Variants in FRMPD4 observed in about 807,000 individuals in gnomAD.
FRMPD4 encodes the protein FERM and PDZ domain-containing protein 4.
Under a neutral mutation model 94.1 loss-of-function variants are expected in FRMPD4, and 22 were observed. The ratio of observed to expected loss-of-function variants is 0.23; its 90% confidence interval spans 0.17 to 0.33. The LOEUF (loss-of-function observed/expected upper bound fraction) is 0.33, where lower values mean the gene tolerates loss of function less well. Among genes scored for constraint, FRMPD4 ranks in the 10% least tolerant of loss-of-function variants. The pLI, the probability that FRMPD4 is intolerant of heterozygous loss-of-function variation, is 1.00. For missense variants in FRMPD4, 1,111 were observed against 1,339.9 expected, an observed-to-expected ratio of 0.83 and a Z score of 2.67; for synonymous variants, 631 against 548.6, an observed-to-expected ratio of 1.15 and a Z score of -2.10.
chrX:12,102,094 A>T (rs2055260562), intron 3 of FRMPD4, among the ~76,000 whole-genome samples: 1 of 112,329 alleles, frequency 8.9e-6, no homozygotes, highest in Non-Finnish European at 1.9e-5. Context: ...GACTGACAGA[A>T]GCCACCACAA....
intron 3 of FRMPD4, among the ~76,000 whole-genome samples, chrX:11,917,886 TAA>T (rs72064228): frequency 5.1e-3 from 443 of 86,069 alleles, no homozygotes; most frequent in African/African-American, 0.017. Context: ...CCCGTGAATC[TAA>T]AAAAAAAAAA....
At chrX:12,107,412 C>T (rs1041354453) in intron 3 of FRMPD4, among the ~76,000 whole-genome samples, 15 of 111,666 alleles carry the variant, frequency 1.3e-4, no homozygotes, top group Non-Finnish European at 1.9e-5. Flanking sequence ...TCACCATCAT[C>T]AAAGACCAAA....
intron 1 of FRMPD4, among the ~76,000 whole-genome samples, chrX:12,441,252 G>A (rs1401583594): frequency 3.6e-5 from 4 of 110,959 alleles, no homozygotes; most frequent in Non-Finnish European, 7.5e-5. Context: ...AATCTCATGG[G>A]GAGAAATTGA....
chrX:12,308,292 C>T (rs1238727533), intron 1 of FRMPD4, among the ~76,000 whole-genome samples: 1 of 112,042 alleles, frequency 8.9e-6, no homozygotes, highest in Non-Finnish European at 1.9e-5. Flanking sequence ...TAGAAACCAT[C>T]CTATATCCTG....
intron 3 of FRMPD4, among the ~76,000 whole-genome samples, chrX:11,908,658 G>A (rs2053980944): frequency 9.0e-6 from 1 of 111,721 alleles, no homozygotes. Context: ...GGATGGGGGT[G>A]TATGTGATCA....
intron 3 of FRMPD4, among the ~76,000 whole-genome samples, chrX:11,900,763 G>T (rs929912495): frequency 9.0e-6 from 1 of 111,633 alleles, no homozygotes; most frequent in African/African-American, 3.3e-5. Flanking sequence ...CACCTCCACT[G>T]GTGGTTGGGT....
chrX:12,154,718 C>T (rs2055907985), intron 1 of FRMPD4, among the ~76,000 whole-genome samples: 1 of 112,808 alleles, frequency 8.9e-6, no homozygotes, highest in South Asian at 3.6e-4. Flanking sequence ...ATTTTAGCTG[C>T]AAGTAAATCA....
rs563547300 is a variant in FRMPD4 at position 12,334,060 on chromosome X, C to T, written c.42-164620C>T. Among the ~76,000 whole-genome samples, 61 of 111,633 alleles carry T rather than the reference C, an allele frequency of 5.5e-4. No individual in the cohort carries two copies. The South Asian group carries it at 0.023, about 42-fold the overall frequency. ...AGATCCTTTTTCTGTACTGTGCAGTCATATACTTTTATTGGGAGATTATGG... is the reference window on the plus strand; with the variant it reads ...AGATCCTTTTTCTGTACTGTGCAGTTATATACTTTTATTGGGAGATTATGG... On this transcript the variant is annotated intron_variant, in intron 1 of 16. Transcript: ENST00000675598.
chrX:12,661,761 C>T (rs113675064), intron 4 of FRMPD4, among the ~76,000 whole-genome samples: 4 of 111,864 alleles, frequency 3.6e-5, no homozygotes, highest in African/African-American at 1.3e-4. Context: ...GGCTTCAGTG[C>T]CTGTTAGGAA....
intron 1 of FRMPD4, among the ~76,000 whole-genome samples, chrX:12,434,580 A>T (rs2057043929): frequency 8.9e-6 from 1 of 112,566 alleles, no homozygotes; most frequent in African/African-American, 3.2e-5. Context: ...TAGTTACATC[A>T]CATGCCCTTT....
At chrX:12,169,437 A>G (rs2056182643) in intron 1 of FRMPD4, among the ~76,000 whole-genome samples, 2 of 112,049 alleles carry the variant, frequency 1.8e-5, no homozygotes, top group African/African-American at 3.2e-5. Context: ...TATATTGCTA[A>G]TAAATTAAGA....
intron 3 of FRMPD4, among the ~76,000 whole-genome samples, chrX:11,910,628 C>T (rs1180034078): frequency 9.0e-6 from 1 of 111,608 alleles, no homozygotes; most frequent in African/African-American, 3.3e-5. Context: ...GTTGCTCAGG[C>T]TGATCTTAAG....
chrX:12,002,446 G>A (rs2054529276), intron 3 of FRMPD4, among the ~76,000 whole-genome samples: 1 of 112,113 alleles, frequency 8.9e-6, no homozygotes, highest in East Asian at 2.8e-4. Flanking sequence ...TTTAAAACAA[G>A]TATGTAACAA....
At chrX:12,516,711 T>C (rs1602057763) in intron 2 of FRMPD4, among the ~76,000 whole-genome samples, 1 of 110,965 alleles carries the variant, frequency 9.0e-6, no homozygotes. Context: ...TGGGGTTCTC[T>C]AGATTTACTG....
In FRMPD4 at chrX:12,276,859, C is replaced by T. The variant is rs781364965; in HGVS notation, c.41+137847C>T. On this transcript the variant is annotated intron_variant, in intron 1 of 16. Coordinates refer to ENST00000675598, the MANE Select transcript of FRMPD4 (RefSeq NM_001368397.1). ...AATTTTGGCCGGGCGCGGTGGCTCA[C>T]GCCTGTAATCCCAGCACTTTGGGAG... 6.3e-5 allele frequency among the ~76,000 whole-genome samples: 7 copies of T among 111,483 alleles called. No homozygotes were observed. The South Asian group carries it at 1.2e-3, about 18-fold the overall frequency.
chrX:12,676,282 C>A (rs926834270), intron 5 of FRMPD4, among the ~76,000 whole-genome samples: 1 of 112,485 alleles, frequency 8.9e-6, no homozygotes, highest in African/African-American at 3.2e-5. Context: ...AAAAATACAG[C>A]TGGGCTGTTT....
At chrX:12,182,004 C>T (rs762495880) in intron 1 of FRMPD4, among the ~76,000 whole-genome samples, 1 of 111,851 alleles carries the variant, frequency 8.9e-6, no homozygotes, top group Non-Finnish European at 1.9e-5. Flanking sequence ...AGACTTTTCT[C>T]ACCTCTGAAC....
intron 1 of FRMPD4, among the ~76,000 whole-genome samples, chrX:12,152,898 A>G (rs763458248): frequency 3.8e-5 from 4 of 104,885 alleles, no homozygotes; most frequent in Non-Finnish European, 7.9e-5. Context: ...TATGTTCACC[A>G]CCTTTCAACC....
At chrX:12,065,570 T>C (rs572920313) in intron 3 of FRMPD4, among the ~76,000 whole-genome samples, 3 of 112,125 alleles carry the variant, frequency 2.7e-5, no homozygotes, top group African/African-American at 6.5e-5. Context: ...AGGCTGCATA[T>C]TGAATGTGAG....
Sources: gnomAD v4.1 joint callset for allele counts (sites outside exome capture counted in the v4.1 genomes callset) on GRCh38, gnomAD v4.1.1 for gene constraint, MANE v1.5 for transcripts, NCBI Gene and HGNC (gene_info 2026-07-23, HGNC 2026-07-21) for gene names.